The following GEMIN5 variants were observed in gnomAD, a reference collection of about 807,000 sequenced individuals.
GEMIN5 encodes the protein gem nuclear organelle associated protein 5.
Under a neutral mutation model 176.9 loss-of-function variants are expected in GEMIN5, and 124 were observed. The observed-to-expected ratio is 0.70, with a 90% CI of 0.61 to 0.81. GEMIN5 has a LOEUF of 0.81. Ranked by LOEUF, GEMIN5 falls within the 40% of genes least tolerant of loss-of-function variation. GEMIN5 has a pLI of 0.00. For synonymous variants in GEMIN5, 673 were observed against 665.2 expected (o/e 1.01, Z -0.18); for missense variants, 1,843 against 1,814.6 (o/e 1.02, Z -0.28).
chr5:154,898,779 GC>G, intron 22 of GEMIN5, 129 bp from the exon 23 acceptor site: 1 of 750,800 alleles, frequency 1.3e-6, no homozygotes, highest in Non-Finnish European at 2.2e-6. Flanking sequence ...GTATGTCACT[GC>G]CCCGGTTGTT....
At chr5:154,919,289 G>A (rs1039301261) in intron 11 of GEMIN5, among the ~76,000 whole-genome samples, 3 of 151,482 alleles carry the variant, frequency 2.0e-5, no homozygotes, top group South Asian at 4.2e-4. Context: ...CCAAGATCAC[G>A]CCACTGCACT....
At chr5:154,892,593 T>C (rs1311057839) in intron 24 of GEMIN5, 44 bp from the exon 25 acceptor site, 2 of 1,591,856 alleles carry the variant, frequency 1.3e-6, no homozygotes, top group African/African-American at 2.7e-5. Context: ...CCTCCCACGG[T>C]AGGCGCAGAG....
intron 11 of GEMIN5, among the ~76,000 whole-genome samples, chr5:154,918,811 T>G (rs1045022230): frequency 6.6e-6 from 1 of 151,638 alleles, no homozygotes; most frequent in African/African-American, 2.4e-5. Context: ...GGAGGCCAAG[T>G]GGGGTGGATC....
chr5:154,897,227 C>A (rs570971000), intron 23 of GEMIN5, among the ~76,000 whole-genome samples: 51 of 152,314 alleles, frequency 3.3e-4, no homozygotes, highest in Admixed American at 5.9e-4. Context: ...CCATGTACCA[C>A]GTTCCTTGGG....
At position 154,920,039 on chromosome 5, in the gene GEMIN5, C is replaced by T. The variant is rs138345102; in HGVS notation, c.1527G>A (p.Gln509=). 3 of 1,610,050 alleles carry T rather than the reference C, an allele frequency of 1.9e-6. No homozygotes were observed. Among genetic ancestry groups the T allele is most frequent in the Admixed American group, 1.7e-5 (1 of 59,998 alleles). ...YSCGGEGIVL[Q]HNPWKLSGEA... is the part of the protein sequence containing the mutation. ...CTCCACTAAGCTTCCAGGGATTATG[C>T]TGTAAGACAATCCCTTCTCCTCCAC... The change falls in exon 11 of 28, where the codon CAG becomes CAA. Residue 509 remains glutamine (Q), a synonymous_variant. Transcript: ENST00000285873.
At chr5:154,908,241 C>T (rs1763615548) in intron 15 of GEMIN5, among the ~76,000 whole-genome samples, 2 of 127,784 alleles carry the variant, frequency 1.6e-5, no homozygotes, top group Admixed American at 1.0e-4. Context: ...AGTGCAATGG[C>T]GAGATCTCAG....
intron 13 of GEMIN5, among the ~76,000 whole-genome samples, chr5:154,915,863 C>G (rs1224480160): frequency 6.6e-6 from 1 of 152,010 alleles, no homozygotes; most frequent in Non-Finnish European, 1.5e-5. Context: ...TTTTACCTAG[C>G]AATTCCACTT....
chr5:154,904,545 T>C lies in GEMIN5; in HGVS notation c.2594A>G (p.Gln865Arg). The C allele has an allele frequency of 6.2e-7, 1 of 1,613,262 alleles. No individual in the cohort carries two copies. The highest frequency in any genetic ancestry group is 8.5e-7 in the Non-Finnish European group (1 of 1,179,214). Residue 865 changes from glutamine to arginine, a missense_variant, in exon 18 of 28, where the codon CAG becomes CGG. Physicochemically the swap from Gln to Arg is conservative, Grantham distance 43 (BLOSUM62 1). Transcript: ENST00000285873. ...TGCAGTTGCTAGTACCAAACAGTCC[T>C]GATGAAGCTCCTCTTTGGATCTGTG... Reference protein sequence around the residue: ...LDHRSKEELHQDCLVLATAKH... With the variant: ...LDHRSKEELHRDCLVLATAKH...
At position 154,901,319 on chromosome 5, in the gene GEMIN5, A is replaced by G; in HGVS notation, c.3014+20T>C. On this transcript the variant is annotated intron_variant, in intron 21 of 27. Coordinates refer to ENST00000285873, the MANE Select transcript of GEMIN5 (RefSeq NM_015465.5). ...TCACATTATGTCCAAGTATTATCCC[A>G]ACTCTAGGACCACACAGACCTGTAA... 1 of 1,605,268 alleles carries G rather than the reference A, an allele frequency of 6.2e-7. No individual in the cohort carries two copies. Among genetic ancestry groups the G allele is most frequent in the Non-Finnish European group, 8.5e-7 (1 of 1,174,316 alleles).
chr5:154,911,141 G>A (rs1158223753), intron 15 of GEMIN5, among the ~76,000 whole-genome samples: 1 of 152,140 alleles, frequency 6.6e-6, no homozygotes, highest in Non-Finnish European at 1.5e-5. Context: ...GGTTCAGTTT[G>A]TTCTCTACCT....
chr5:154,937,036 C>T lies in GEMIN5; in HGVS notation c.316G>A (p.Ala106Thr). 2 of 1,613,282 alleles carry T rather than the reference C, an allele frequency of 1.2e-6. No homozygotes were observed. Among genetic ancestry groups the T allele is most frequent in the Non-Finnish European group, 1.7e-6 (2 of 1,179,452 alleles). The change falls in exon 2 of 28, where the codon GCA becomes ACA. Residue 106 changes from alanine to threonine, a missense_variant. By Grantham distance (58) the Ala-to-Thr change is moderately conservative. Coordinates refer to ENST00000285873, the MANE Select transcript of GEMIN5 (RefSeq NM_015465.5). ...GTAAGCCATGGTACCTGATGGAGTG[C>T]ATGTTCTGTCACAACTGTTTTTGTC... The part of the protein sequence containing the change: ...VETKTVVTEH[A>T]LHQHTISTLH...
chr5:154,904,724 G>A (rs556332415), intron 17 of GEMIN5, 95 bp from the exon 18 acceptor site: 13 of 864,438 alleles, frequency 1.5e-5, no homozygotes, highest in South Asian at 9.2e-5. Flanking sequence ...CTGGCAGGAC[G>A]ACACCACAGG....
chr5:154,917,860 G>A (rs764935522), intron 12 of GEMIN5, 71 bp downstream of exon 12: 7 of 960,352 alleles, frequency 7.3e-6, no homozygotes, highest in Middle Eastern at 4.2e-4. Flanking sequence ...CATTACAGAT[G>A]GCATTAGTCA....
In GEMIN5 at chr5:154,924,558, CAA is replaced by C. The variant is rs762546192; in HGVS notation, c.1294-6_1294-5del. On this transcript the variant is annotated splice_region_variant and splice_polypyrimidine_tract_variant and intron_variant, in intron 8 of 27. Transcript: ENST00000285873. ...CCTTGGTTGGGTGCCAGCACAGCTA[CAA>C]AAAAAAGAGTTTCCAAGTGAGAATA... is the stretch of plus-strand genomic sequence containing the variant. 1.3e-5 allele frequency: 20 copies of C among 1,585,176 alleles called. No homozygotes were observed. Among genetic ancestry groups the C allele is most frequent in the Middle Eastern group, 1.7e-4 (1 of 5,990 alleles).
intron 13 of GEMIN5, among the ~76,000 whole-genome samples, chr5:154,915,414 AT>A (rs1318178538): frequency 2.6e-5 from 4 of 152,190 alleles, no homozygotes; most frequent in Non-Finnish European, 4.4e-5. Flanking sequence ...CTTCACTCAT[AT>A]TTAAAACTGG....
Position 154,928,543 on chromosome 5 carries a change from C to A in GEMIN5, c.898G>T (p.Val300Leu), listed in dbSNP as rs888370678. ...HWPSNQPTQL[V>L]SSCFGGELLQ... ...AAGACTTACCCAAAACAGCTAGATA[C>A]CAGCTGTGTTGGTTGATTGCTGGGC... Residue 300 changes from valine to leucine, a missense_variant, in exon 6 of 28, where the codon GTA becomes TTA. Physicochemically the swap from Val to Leu is conservative, Grantham distance 32. Coordinates refer to ENST00000285873, the MANE Select transcript of GEMIN5 (RefSeq NM_015465.5). The A allele has an allele frequency of 6.2e-7, 1 of 1,614,128 alleles. No homozygotes were observed. The highest frequency in any genetic ancestry group is 2.2e-5 in the East Asian group (1 of 44,880).
chr5:154,936,348 C>T (rs1392482284), intron 2 of GEMIN5, among the ~76,000 whole-genome samples: 2 of 6,336 alleles, frequency 3.2e-4, no homozygotes, highest in Non-Finnish European at 7.5e-4. Context: ...ACCCAGGAGG[C>T]GGAGCTTGCA....
At chr5:154,896,612 CA>C (rs1458656235) in intron 23 of GEMIN5, among the ~76,000 whole-genome samples, 1 of 152,178 alleles carries the variant, frequency 6.6e-6, no homozygotes, top group Non-Finnish European at 1.5e-5. Context: ...TAGCACTACC[CA>C]CAATGATTTA....
rs1476088216 is a variant in GEMIN5, at chr5:154,892,719, A to G, written c.3598-170T>C. On this transcript the variant is annotated intron_variant, in intron 24 of 27. Coordinates refer to ENST00000285873, the MANE Select transcript of GEMIN5 (RefSeq NM_015465.5). The stretch of plus-strand genomic sequence containing the variant: ...TTTGCTTCCCACATCGGAAACTCTC[A>G]TGTCTAGTTGCACAGCAGCACACAC... 1.1e-5 allele frequency: 7 copies of G among 609,444 alleles called. No individual in the cohort carries two copies. The Admixed American group carries it at 2.0e-4, about 18-fold the overall frequency. The allele number at this position is 609,444 out of a possible 1,614,324, so 37.8% of individuals were successfully genotyped here. A position where few individuals can be genotyped will look rare whatever the true frequency, so the allele number is the denominator to read the frequency against.
Sources: allele counts gnomAD v4.1 joint callset (sites outside exome capture counted in the v4.1 genomes callset), GRCh38; gene constraint gnomAD v4.1.1; transcripts MANE v1.5; gene names NCBI Gene and HGNC (gene_info 2026-07-23, HGNC 2026-07-21).